The following PIK3AP1 variants were observed in gnomAD, a reference collection of about 807,000 sequenced individuals.
The protein encoded by PIK3AP1 is phosphoinositide-3-kinase adaptor protein 1.
A neutral mutation model predicts 88.1 loss-of-function variants in PIK3AP1; 21 were observed. The ratio of observed to expected loss-of-function variants is 0.24; its 90% CI spans 0.17 to 0.34. The LOEUF (loss-of-function observed/expected upper bound fraction) is 0.34, where lower values mean the gene tolerates loss of function less well. Among genes scored for constraint, PIK3AP1 ranks in the 10% least tolerant of loss-of-function variants. The probability of loss-of-function intolerance (pLI) is 1.00; values close to 1 mark genes in which losing one functional copy is unlikely to be tolerated. For missense variants in PIK3AP1, 828 were observed against 1,035.7 expected, an observed-to-expected ratio of 0.80 and a Z score of 2.75; for synonymous variants, 398 against 400.0, an observed-to-expected ratio of 1.00 and a Z score of 0.06.
Position 96,648,610 on chromosome 10 carries a change from T to C in PIK3AP1, c.1185+49A>G, listed in dbSNP as rs767973352. ...ATTTTGGGTGAAAGGGCAGCCATAC[T>C]ACCACAGAGTGCATTTCCAATCCTG... On this transcript the variant is annotated intron_variant, in intron 7 of 16. Coordinates refer to ENST00000339364, the MANE Select transcript of PIK3AP1 (RefSeq NM_152309.3). 7.8e-6 allele frequency: 12 copies of C among 1,546,336 alleles called. No individual in the cohort carries two copies. In the South Asian group the frequency reaches 1.4e-4, roughly 17 times the overall value.
In PIK3AP1 at chr10:96,630,704, A is replaced by G. The variant is rs117951266; in HGVS notation, c.1376-2211T>C. 3.2e-4 allele frequency among the ~76,000 whole-genome samples: 48 copies of G among 152,016 alleles called. No homozygotes were observed. The East Asian group carries it at 6.0e-3, about 19-fold the overall frequency. On this transcript the variant is annotated intron_variant, in intron 8 of 16. Coordinates refer to ENST00000339364, the MANE Select transcript of PIK3AP1 (RefSeq NM_152309.3). ...AAAAAGAAAAAAAAATTGGCTGGGCATGGTGGTGCAGGCCTATAGCCCCAT... is the reference window on the plus strand; with the variant it reads ...AAAAAGAAAAAAAAATTGGCTGGGCGTGGTGGTGCAGGCCTATAGCCCCAT...
intron 2 of PIK3AP1, among the ~76,000 whole-genome samples, chr10:96,674,997 A>G (rs1033602597): frequency 2.6e-5 from 4 of 152,174 alleles, no homozygotes; most frequent in Non-Finnish European, 5.9e-5. Context: ...GGTTCAAGCA[A>G]TTCTCCTGCC....
chr10:96,695,023 A>G (rs1844202847), intron 2 of PIK3AP1, among the ~76,000 whole-genome samples: 1 of 152,224 alleles, frequency 6.6e-6, no homozygotes, highest in Non-Finnish European at 1.5e-5. Flanking sequence ...AATTCAAGTG[A>G]CTACAAAATA....
intron 16 of PIK3AP1, among the ~76,000 whole-genome samples, chr10:96,598,023 G>C (rs1848809404): frequency 4.9e-5 from 1 of 20,416 alleles, no homozygotes; most frequent in Non-Finnish European, 1.0e-4. Flanking sequence ...AATTATAGTG[G>C]GTTTTTTTTG....
rs1844552458 is a variant in PIK3AP1, at chr10:96,720,155, G to A, written c.13+227C>T. Among the ~76,000 whole-genome samples the A allele has an allele frequency of 3.3e-5, 5 of 152,246 alleles. No homozygotes were observed. The South Asian group carries it at 1.0e-3, about 32-fold the overall frequency. ...GGAGACCCTGAAGAAGTGGGAGGGG[G>A]TCGGGCCAGGCAGGGGCTGAAGAGA... On this transcript the variant is annotated intron_variant, in intron 1 of 16. Transcript: ENST00000339364. The surrounding 1 kb of genome is among the most constrained non-coding windows in gnomAD (Gnocchi z 4.6).
At position 96,604,009 on chromosome 10, in the gene PIK3AP1, A is replaced by G; in HGVS notation, c.2211T>C (p.Ser737=). The G allele has an allele frequency of 6.2e-7, 1 of 1,608,518 alleles. No individual in the cohort carries two copies. The highest frequency in any genetic ancestry group is 8.5e-7 in the Non-Finnish European group (1 of 1,177,296). ...SNRSSTRSLL[S]VSSGMEGDNE... ...TGTCCCCTTCCATCCCGCTGCTCAC[A>G]CTGAGGAGGCTCCGGGTGCTGGAGC... The change falls in exon 15 of 17, where the codon AGT becomes AGC. Residue 737 remains serine (S), a synonymous_variant. Transcript: ENST00000339364.
intron 13 of PIK3AP1, among the ~76,000 whole-genome samples, chr10:96,612,967 TATATATATATATATA>T (rs1203931565): frequency 1.7e-5 from 2 of 118,238 alleles, no homozygotes; most frequent in South Asian, 2.5e-4. Context: ...TATATATATA[TATATATATATATATA>T]TTTTTTTTTT....
chr10:96,696,771 T>C (rs889985298), intron 2 of PIK3AP1, among the ~76,000 whole-genome samples: 2 of 152,346 alleles, frequency 1.3e-5, no homozygotes, highest in East Asian at 3.9e-4. Context: ...CTTGAGCTAA[T>C]GTCCATAAAC....
intron 2 of PIK3AP1, among the ~76,000 whole-genome samples, chr10:96,697,720 C>G (rs1207520928): frequency 6.6e-6 from 1 of 152,208 alleles, no homozygotes; most frequent in South Asian, 2.1e-4. Context: ...CAGAGCAAGA[C>G]CCTGTCTCAA....
At chr10:96,677,717 T>C (rs1011115964) in intron 2 of PIK3AP1, among the ~76,000 whole-genome samples, 12 of 152,068 alleles carry the variant, frequency 7.9e-5, no homozygotes, top group African/African-American at 2.7e-4. Flanking sequence ...CAACACACTT[T>C]CCGGTTTAGA....
chr10:96,615,023 G>T (rs1476084867), intron 13 of PIK3AP1, among the ~76,000 whole-genome samples: 1 of 152,136 alleles, frequency 6.6e-6, no homozygotes. Context: ...CTACTCTGGA[G>T]AGAATGGCAG....
chr10:96,652,302 C>T (rs536644655), intron 4 of PIK3AP1, among the ~76,000 whole-genome samples: 1 of 152,246 alleles, frequency 6.6e-6, no homozygotes, highest in Admixed American at 6.5e-5. Context: ...TAGCTGGGTG[C>T]CGTGGCTCAC....
chr10:96,605,150 G>T (rs1273301724), intron 14 of PIK3AP1, among the ~76,000 whole-genome samples: 1 of 152,150 alleles, frequency 6.6e-6, no homozygotes, highest in Non-Finnish European at 1.5e-5. Context: ...GAGCTACCAT[G>T]CCGGGCCCTC....
chr10:96,599,731 G>A (rs1848851542), intron 16 of PIK3AP1, among the ~76,000 whole-genome samples: 1 of 152,054 alleles, frequency 6.6e-6, no homozygotes, highest in Non-Finnish European at 1.5e-5. Flanking sequence ...TGTGAACATT[G>A]CATACTCACA....
chr10:96,687,276 A>AG (rs1589537630), intron 2 of PIK3AP1, among the ~76,000 whole-genome samples: 1 of 135,636 alleles, frequency 7.4e-6, no homozygotes, highest in Admixed American at 7.0e-5. Flanking sequence ...AAAAAAAAAA[A>AG]AAAAAAAAAG....
intron 2 of PIK3AP1, among the ~76,000 whole-genome samples, chr10:96,707,166 G>A (rs1349590136): frequency 6.6e-6 from 1 of 152,218 alleles, no homozygotes. Flanking sequence ...CTGAACTACA[G>A]TCTTTGGTAA....
chr10:96,653,670 TAG>T (rs1367533970), intron 3 of PIK3AP1, among the ~76,000 whole-genome samples: 3 of 151,804 alleles, frequency 2.0e-5, no homozygotes, highest in Non-Finnish European at 4.4e-5. Context: ...CTCTGTTTAG[TAG>T]AGACAGGGTT....
At chr10:96,641,088 T>A (rs1412021404) in intron 8 of PIK3AP1, among the ~76,000 whole-genome samples, 8 of 26,084 alleles carry the variant, frequency 3.1e-4, no homozygotes, top group Non-Finnish European at 5.4e-4. Flanking sequence ...GAGTGTGCCG[T>A]GTGTGTGTGT....
intron 2 of PIK3AP1, among the ~76,000 whole-genome samples, chr10:96,708,852 G>A (rs1456810694): frequency 2.6e-5 from 4 of 151,854 alleles, no homozygotes; most frequent in Non-Finnish European, 1.5e-5. Context: ...ATGCCTTGGC[G>A]GGGCACGGAG....
Sources: allele counts gnomAD v4.1 joint callset (sites outside exome capture counted in the v4.1 genomes callset), GRCh38; gene constraint gnomAD v4.1.1; non-coding constraint Gnocchi (gnomAD v3.1); transcripts MANE v1.5; gene names NCBI Gene and HGNC (gene_info 2026-07-23, HGNC 2026-07-21).